TLR2: variants seen among roughly 807,000 people sequenced by gnomAD.
TLR2 encodes toll like receptor 2, also known as toll-like receptor 2.
A neutral mutation model predicts 9.1 loss-of-function variants in TLR2; 7 were observed. The ratio of observed to expected loss-of-function variants is 0.77; its 90% CI spans 0.44 to 1.44. The LOEUF (loss-of-function observed/expected upper bound fraction) is 1.44. TLR2 is among the 40% of genes most tolerant of loss of function. TLR2 has a pLI of 0.01. For missense variants in TLR2, 812 were observed against 904.6 expected, an observed-to-expected ratio of 0.90 and a Z score of 1.31; for synonymous variants, 317 against 344.6, an observed-to-expected ratio of 0.92 and a Z score of 0.89.
rs764797246 is a variant in TLR2 at position 153,703,344 on chromosome 4, C to T, written c.437C>T (p.Ser146Phe). Residue 146 changes from serine to phenylalanine, a missense_variant, in exon 3 of 3, where the codon TCT (serine) becomes TTT (phenylalanine). Coordinates refer to ENST00000642700, the MANE Select transcript of TLR2 (RefSeq NM_001318789.2). ...YKTLGETSLF[S>F]HLTKLQILRV... is the part of the protein sequence containing the mutation. ...ACCCTAGGGGAAACATCTCTTTTTT[C>T]TCATCTCACAAAATTGCAAATCCTG... 1 of 1,613,022 alleles carries T rather than the reference C, an allele frequency of 6.2e-7. No homozygotes were observed. The highest frequency in any genetic ancestry group is 8.5e-7 in the Non-Finnish European group (1 of 1,179,764).
rs764797246 is a variant in TLR2, at chr4:153,703,344, C to G, written c.437C>G (p.Ser146Cys). ...YKTLGETSLFSHLTKLQILRV... is the reference protein window; with the variant it reads ...YKTLGETSLFCHLTKLQILRV... Reference sequence around the variant, plus strand: ...ACCCTAGGGGAAACATCTCTTTTTTCTCATCTCACAAAATTGCAAATCCTG... The same window carrying G: ...ACCCTAGGGGAAACATCTCTTTTTTGTCATCTCACAAAATTGCAAATCCTG... The change falls in exon 3 of 3, where the codon TCT becomes TGT. Residue 146 changes from serine (S) to cysteine (C), a missense_variant. Coordinates refer to ENST00000642700, the MANE Select transcript of TLR2 (RefSeq NM_001318789.2). 6.6e-5 allele frequency: 107 copies of G among 1,612,904 alleles called. No homozygotes were observed. The highest frequency in any genetic ancestry group is 8.6e-5 in the Non-Finnish European group (102 of 1,179,772).
chr4:153,710,245 T>G (rs769169198), downstream of TLR2: 2 of 715,496 alleles, frequency 2.8e-6, no homozygotes, highest in East Asian at 2.8e-5. Context: ...GACAAATTGC[T>G]TGACAACAAA....
At chr4:153,692,517 T>C (rs1013158190) in intron 2 of TLR2, among the ~76,000 whole-genome samples, 7 of 152,214 alleles carry the variant, frequency 4.6e-5, no homozygotes, top group African/African-American at 1.7e-4. Context: ...GGCTTAACAA[T>C]GGCCACCATC....
At chr4:153,686,066 A>T (rs1735680236) in intron 1 of TLR2, among the ~76,000 whole-genome samples, 1 of 152,200 alleles carries the variant, frequency 6.6e-6, no homozygotes, top group Admixed American at 6.5e-5. Context: ...TAACAAACTC[A>T]TTCTCACAAT....
At chr4:153,691,997 C>G (rs1054321307) in intron 2 of TLR2, among the ~76,000 whole-genome samples, 1 of 152,134 alleles carries the variant, frequency 6.6e-6, no homozygotes, top group Non-Finnish European at 1.5e-5. Context: ...TAATGTAACA[C>G]TGTGAAAATT....
chr4:153,704,601 ACT>A lies in TLR2; in HGVS notation c.1698_1699del (p.Pro567IlefsTer75). ...GATTGGCCAGCAAATTACCTGTGTG[ACT>A]CTCCATCCCATGTGCGTGGCCAGCA... On this transcript the variant is annotated frameshift_variant, in exon 3 of 3. Coordinates refer to ENST00000642700, the MANE Select transcript of TLR2 (RefSeq NM_001318789.2). LOFTEE classifies it low-confidence loss of function (END_TRUNC). The A allele has an allele frequency of 1.9e-6, 3 of 1,609,602 alleles. No homozygotes were observed. The highest frequency in any genetic ancestry group is 2.5e-6 in the Non-Finnish European group (3 of 1,179,370).
chr4:153,699,469 G>T (rs1736732790), intron 2 of TLR2, among the ~76,000 whole-genome samples: 1 of 152,194 alleles, frequency 6.6e-6, no homozygotes, highest in Admixed American at 6.5e-5. Context: ...ATGTAAATGA[G>T]GTTATGATTA....
Position 153,704,564 on chromosome 4 carries a change from A to C in TLR2, c.1657A>C (p.Lys553Gln), listed in dbSNP as rs148883507. The change falls in exon 3 of 3, where the codon AAA becomes CAA. Residue 553 changes from lysine (K) to glutamine (Q), a missense_variant. Transcript: ENST00000642700. The part of the protein sequence containing the change: ...SFTQEQQALA[K>Q]VLIDWPANYL... ...CACTCAGGAGCAGCAAGCACTGGCC[A>C]AAGTCTTGATTGATTGGCCAGCAAA... The C allele has an allele frequency of 1.9e-5, 30 of 1,613,752 alleles. No homozygotes were observed. The highest frequency in any genetic ancestry group is 2.5e-5 in the Non-Finnish European group (30 of 1,179,964).
chr4:153,703,256 T>C lies in TLR2; in HGVS notation c.349T>C (p.Ser117Pro). 1 of 1,613,704 alleles carries C rather than the reference T, an allele frequency of 6.2e-7. No homozygotes were observed. The highest frequency in any genetic ancestry group is 1.1e-5 in the South Asian group (1 of 90,924). The change falls in exon 3 of 3, where the codon TCT becomes CCT. Residue 117 changes from serine (S) to proline (P), a missense_variant. Ser to Pro is a moderately conservative substitution (Grantham distance 74). Coordinates refer to ENST00000642700, the MANE Select transcript of TLR2 (RefSeq NM_001318789.2). ...CTATAATTACTTATCTAATTTATCGTCTTCCTGGTTCAAGCCCCTTTCTTC... is the reference window on the plus strand; with the variant it reads ...CTATAATTACTTATCTAATTTATCGCCTTCCTGGTTCAAGCCCCTTTCTTC... ...LSYNYLSNLS[S>P]SWFKPLSSLT...
chr4:153,710,532 G>A, downstream of TLR2: 1 of 1,581,586 alleles, frequency 6.3e-7, no homozygotes, highest in Non-Finnish European at 8.6e-7. Context: ...CAGCCAAGTA[G>A]CAGAAATATT....
In TLR2 at chr4:153,699,051, G is replaced by A. The variant is rs191426341; in HGVS notation, c.-16-3841G>A. Among the ~76,000 whole-genome samples, 140 of 152,236 alleles carry A rather than the reference G, an allele frequency of 9.2e-4. 1 individual carries two copies. The highest frequency in any genetic ancestry group is 3.1e-3 in the African/African-American group (128 of 41,540). On this transcript the variant is annotated intron_variant, in intron 2 of 2. Coordinates refer to ENST00000642700, the MANE Select transcript of TLR2 (RefSeq NM_001318789.2). The stretch of plus-strand genomic sequence containing the variant: ...AGAGATAATTAGACAGTTTGTAGAC[G>A]AATTCATAACCCTAATTCTCTAATT...
chr4:153,706,881 G>A (rs890863479), downstream of TLR2, among the ~76,000 whole-genome samples: 1 of 152,190 alleles, frequency 6.6e-6, no homozygotes. Context: ...AGTATGAAAT[G>A]TAGGAATGTA....
intron 1 of TLR2, among the ~76,000 whole-genome samples, chr4:153,685,695 G>T (rs914577047): frequency 6.6e-6 from 1 of 152,142 alleles, no homozygotes; most frequent in Non-Finnish European, 1.5e-5. Context: ...TGTTTTGGGG[G>T]TTTCTAAGCT....
In TLR2 at chr4:153,704,334, T is replaced by A. The variant is rs142008894; in HGVS notation, c.1427T>A (p.Leu476Ter). The change falls in exon 3 of 3, where the codon TTG becomes TAG. Residue 476 changes from leucine (L) to a stop codon, truncating the protein, a stop_gained. Transcript: ENST00000642700. LOFTEE classifies it low-confidence loss of function (END_TRUNC). The stretch of plus-strand genomic sequence containing the variant: ...AATCTCAATTTATTTTCTTTGAATT[T>A]GCCGCAACTCAAAGAACTTTATATT... ...NNNLNLFSLN[L>*]PQLKELYISR... The A allele has an allele frequency of 5.6e-6, 9 of 1,613,476 alleles. No individual in the cohort carries two copies. The highest frequency in any genetic ancestry group is 7.6e-6 in the Non-Finnish European group (9 of 1,179,920).
In TLR2 at chr4:153,704,051, T is replaced by C; in HGVS notation, c.1144T>C (p.Cys382Arg). The change falls in exon 3 of 3, where the codon TGT (cysteine) becomes CGT (arginine). Residue 382 changes from cysteine (C) to arginine (R), a missense_variant. Cys to Arg is a radical substitution (Grantham distance 180, BLOSUM62 -3). Coordinates refer to ENST00000642700, the MANE Select transcript of TLR2 (RefSeq NM_001318789.2). The stretch of plus-strand genomic sequence containing the variant: ...TGAAGAATACTTGAAAAATTCAGCC[T>C]GTGAGGATGCCTGGCCCTCTCTACA... ...MVEEYLKNSA[C>R]EDAWPSLQTL... is the part of the protein sequence containing the mutation. The C allele has an allele frequency of 6.2e-7, 1 of 1,614,188 alleles. No homozygotes were observed. The highest frequency in any genetic ancestry group is 8.5e-7 in the Non-Finnish European group (1 of 1,180,028).
At position 153,702,975 on chromosome 4, in the gene TLR2, C is replaced by T. The variant is rs1737020087; in HGVS notation, c.68C>T (p.Ser23Phe). The T allele has an allele frequency of 6.2e-7, 1 of 1,614,042 alleles. No homozygotes were observed. The highest frequency in any genetic ancestry group is 8.5e-7 in the Non-Finnish European group (1 of 1,180,008). Residue 23 changes from serine to phenylalanine, a missense_variant, in exon 3 of 3, where the codon TCC becomes TTC. Coordinates refer to ENST00000642700, the MANE Select transcript of TLR2 (RefSeq NM_001318789.2). ...ATCAGCCTCTCCAAGGAAGAATCCT[C>T]CAATCAGGCTTCTCTGTCTTGTGAC... The part of the protein sequence containing the change: ...VIISLSKEES[S>F]NQASLSCDRN...
At position 153,700,107 on chromosome 4, in the gene TLR2, G is replaced by A. The variant is rs150433671; in HGVS notation, c.-16-2785G>A. Among the ~76,000 whole-genome samples, 726 of 152,118 alleles carry A rather than the reference G, an allele frequency of 4.8e-3. 6 individuals are homozygous for A. Among genetic ancestry groups the A allele is most frequent in the African/African-American group, 0.017 (698 of 41,492 alleles). ...GAGGGAGGGAGCAAGAGTGAAGGGG[G>A]AGGTCCCAGACTCTTTTTAAATAAC... On this transcript the variant is annotated intron_variant, in intron 2 of 2. Coordinates refer to ENST00000642700, the MANE Select transcript of TLR2 (RefSeq NM_001318789.2).
chr4:153,707,461 G>A (rs111905892), downstream of TLR2, among the ~76,000 whole-genome samples: 10,686 of 152,150 alleles, frequency 0.07, 481 homozygotes, highest in East Asian at 0.25. Flanking sequence ...GAGGTGGGAG[G>A]ATCACCTGAG....
intron 2 of TLR2, among the ~76,000 whole-genome samples, chr4:153,698,315 A>G (rs1377799560): frequency 6.6e-6 from 1 of 152,202 alleles, no homozygotes; most frequent in Non-Finnish European, 1.5e-5. Context: ...TAAGTCAGCC[A>G]GTACTGAAAT....
Sources: allele counts gnomAD v4.1 joint callset (sites outside exome capture counted in the v4.1 genomes callset), GRCh38; gene constraint gnomAD v4.1.1; transcripts MANE v1.5; gene names NCBI Gene and HGNC (gene_info 2026-07-23, HGNC 2026-07-21).